HSPB8: variants seen among roughly 807,000 people sequenced by gnomAD.
The protein encoded by HSPB8 is heat shock protein beta-8.
In HSPB8, 9 loss-of-function variants were observed where a neutral mutation model predicts 16.5. The ratio of observed to expected loss-of-function variants is 0.55; its 90% confidence interval spans 0.33 to 0.95. The LOEUF is 0.95. Among genes scored for constraint, HSPB8 ranks in the 40% least tolerant of loss-of-function variants. HSPB8 has a pLI of 0.03. For synonymous variants in HSPB8, 99 were observed against 94.8 expected (o/e 1.04, Z -0.26); for missense variants, 238 against 251.2 (o/e 0.95, Z 0.35).
In HSPB8 at chr12:119,185,497, C is replaced by A. The variant is rs530834053; in HGVS notation, c.368-1528C>A. On this transcript the variant is annotated intron_variant, in intron 1 of 2. Transcript: ENST00000281938. ...TATAGGCACGTGCCACCATGTCCAG[C>A]TAATTTTTGTATTTTTAGTAGAGAC... Among the ~76,000 whole-genome samples the A allele has an allele frequency of 2.6e-4, 39 of 152,266 alleles. No individual in the cohort carries two copies. In the South Asian group the frequency reaches 8.1e-3, roughly 32 times the overall value.
chr12:119,191,208 A>T (rs1954710084), intron 2 of HSPB8, among the ~76,000 whole-genome samples: 1 of 152,138 alleles, frequency 6.6e-6, no homozygotes, highest in Admixed American at 6.5e-5. Context: ...TTTTTCTGCA[A>T]AGAAACAGGT....
intron 1 of HSPB8, among the ~76,000 whole-genome samples, chr12:119,185,697 C>T: frequency 6.6e-6 from 1 of 152,194 alleles, no homozygotes; most frequent in East Asian, 1.9e-4. Flanking sequence ...TGGTCTCAAA[C>T]TCCTGGCCTC....
chr12:119,189,752 G>A lies in HSPB8; in HGVS notation c.431+2664G>A, dbSNP rs545791631. ...TCCTAACAGGCCACAGATGGGTGCC[G>A]GTCCATGATCCGGGGGATGGGGACC... On this transcript the variant is annotated intron_variant, in intron 2 of 2. Coordinates refer to ENST00000281938, the MANE Select transcript of HSPB8 (RefSeq NM_014365.3). Among the ~76,000 whole-genome samples the A allele has an allele frequency of 1.1e-4, 16 of 152,238 alleles. No individual in the cohort carries two copies. In the East Asian group the frequency reaches 1.9e-3, roughly 18 times the overall value.
chr12:119,185,610 G>A (rs1334675836), intron 1 of HSPB8, among the ~76,000 whole-genome samples: 2 of 151,900 alleles, frequency 1.3e-5, no homozygotes, highest in African/African-American at 4.8e-5. Flanking sequence ...GGGATTACAG[G>A]CATAAGTCAC....
chr12:119,191,308 C>G (rs914563541), intron 2 of HSPB8, among the ~76,000 whole-genome samples: 1 of 152,320 alleles, frequency 6.6e-6, no homozygotes, highest in Middle Eastern at 3.4e-3. Context: ...AACCCATGCT[C>G]TAGGCCATAG....
chr12:119,181,942 C>T (rs549424196), intron 1 of HSPB8: 2 of 152,280 alleles, frequency 1.3e-5, no homozygotes, highest in African/African-American at 4.8e-5. Flanking sequence ...CGATTATCAC[C>T]ATTCCTTCTG....
At chr12:119,187,453 C>A (rs1038551496) in intron 2 of HSPB8, among the ~76,000 whole-genome samples, 14 of 152,170 alleles carry the variant, frequency 9.2e-5, no homozygotes, top group South Asian at 2.1e-4. Flanking sequence ...CTCCTGGGTT[C>A]AAGCGGTCCG....
chr12:119,193,607 C>A (rs1298937174), intron 2 of HSPB8, 92 bp from the exon 3 acceptor site: 4 of 1,377,822 alleles, frequency 2.9e-6, no homozygotes, highest in East Asian at 4.6e-5. Flanking sequence ...AAAGCCTAAG[C>A]TCTTATCAAA....
At chr12:119,181,233 C>T (rs918753535) in intron 1 of HSPB8, among the ~76,000 whole-genome samples, 2 of 152,146 alleles carry the variant, frequency 1.3e-5, no homozygotes, top group African/African-American at 4.8e-5. Context: ...CTCAGGAAGT[C>T]CTCCTGTCAC....
rs2136086469 is a variant in HSPB8 at position 119,193,954 on chromosome 12, G to A, written c.*96G>A. ...TTAGCTGAACTCAGATTTAGTGCAA[G>A]TAAAATGTTAGAGGGTGCGGGGGTG... On this transcript the variant is annotated 3_prime_UTR_variant, in exon 3 of 3. Coordinates refer to ENST00000281938, the MANE Select transcript of HSPB8 (RefSeq NM_014365.3). 7.2e-7 allele frequency: 1 copy of A among 1,395,138 alleles called. No individual in the cohort carries two copies. Among genetic ancestry groups the A allele is most frequent in the East Asian group, 2.3e-5 (1 of 43,810 alleles). 86.4% of individuals were successfully genotyped at this position (1,395,138 alleles called of 1,614,324 possible). A position where few individuals can be genotyped will look rare whatever the true frequency, so the allele number is the denominator to read the frequency against.
At chr12:119,187,511 T>C (rs1006931360) in intron 2 of HSPB8, among the ~76,000 whole-genome samples, 10 of 152,072 alleles carry the variant, frequency 6.6e-5, no homozygotes, top group Non-Finnish European at 1.5e-4. Flanking sequence ...TGTGCCACCA[T>C]GTCCGGCTAA....
chr12:119,187,300 C>T (rs968280067), intron 2 of HSPB8, among the ~76,000 whole-genome samples: 15 of 152,152 alleles, frequency 9.9e-5, no homozygotes, highest in Non-Finnish European at 2.1e-4. Context: ...TGCATCATCT[C>T]ATCTGCTCGG....
chr12:119,193,362 G>A (rs1954723979), intron 2 of HSPB8, among the ~76,000 whole-genome samples: 2 of 152,150 alleles, frequency 1.3e-5, no homozygotes, highest in African/African-American at 4.8e-5. Flanking sequence ...ACTTCAACCT[G>A]GGACCAAATA....
intron 1 of HSPB8, among the ~76,000 whole-genome samples, chr12:119,180,510 G>A (rs1023521871): frequency 4.6e-5 from 7 of 152,286 alleles, no homozygotes; most frequent in Non-Finnish European, 8.8e-5. Context: ...TTGCAGCTGA[G>A]GAGGCTGAGG....
intron 1 of HSPB8, among the ~76,000 whole-genome samples, chr12:119,185,339 A>G (rs1261006363): frequency 6.6e-6 from 1 of 151,140 alleles, no homozygotes; most frequent in Non-Finnish European, 1.5e-5. Flanking sequence ...AATAGTAATT[A>G]TTATTATTAT....
intron 2 of HSPB8, among the ~76,000 whole-genome samples, chr12:119,190,446 T>C (rs1954705391): frequency 6.6e-6 from 1 of 152,128 alleles, no homozygotes; most frequent in African/African-American, 2.4e-5. Context: ...TCTCAACACA[T>C]CCATCTCTGT....
chr12:119,194,705 T>TTAATAATAA lies in HSPB8; in HGVS notation c.*863_*871dup, dbSNP rs60924821. The TTAATAATAA allele has an allele frequency of 1.7e-3, 484 of 287,644 alleles. 3 individuals carry two copies. The highest frequency in any genetic ancestry group is 9.4e-3 in the East Asian group (145 of 15,470). The allele number at this position is 287,644 out of a possible 1,614,324, so 17.8% of individuals were successfully genotyped here. A position where few individuals can be genotyped will look rare whatever the true frequency, so the allele number is the denominator to read the frequency against. ...TTTAGGGGTAAATAACAGTAAATAA[T>TTAATAATAA]TAATAATAATAATAATAATAATAAA... On this transcript the variant is annotated 3_prime_UTR_variant, in exon 3 of 3. Transcript: ENST00000281938.
intron 2 of HSPB8, among the ~76,000 whole-genome samples, chr12:119,187,340 A>G (rs1291843335): frequency 6.6e-6 from 1 of 151,948 alleles, no homozygotes; most frequent in Non-Finnish European, 1.5e-5. Context: ...TAAAAACCCC[A>G]TTTTATTTAT....
At position 119,187,060 on chromosome 12, in the gene HSPB8, G is replaced by C. The variant is rs917644809; in HGVS notation, c.403G>C (p.Val135Leu). The C allele has an allele frequency of 1.9e-6, 3 of 1,614,092 alleles. No homozygotes were observed. The highest frequency in any genetic ancestry group is 2.7e-5 in the African/African-American group (2 of 75,044). Reference sequence around the variant, plus strand: ...AGAGAAACAGCAAGAAGGTGGCATTGTTTCTAAGAACTTCACAAAGAAAAT... The same window carrying C: ...AGAGAAACAGCAAGAAGGTGGCATTCTTTCTAAGAACTTCACAAAGAAAAT... ...HEEKQQEGGI[V>L]SKNFTKKIQL... Residue 135 changes from valine (V) to leucine (L), a missense_variant, in exon 2 of 3, where the codon GTT becomes CTT. Coordinates refer to ENST00000281938, the MANE Select transcript of HSPB8 (RefSeq NM_014365.3).
Sources: allele counts gnomAD v4.1 joint callset (sites outside exome capture counted in the v4.1 genomes callset), GRCh38; gene constraint gnomAD v4.1.1; transcripts MANE v1.5; gene names NCBI Gene and HGNC (gene_info 2026-07-23, HGNC 2026-07-21).